The following POTED variants were observed in gnomAD, a reference collection of about 807,000 sequenced individuals.
The protein encoded by POTED is POTE ankyrin domain family member D, also known as ANKRD26-like family B member 3.
In POTED, 7 loss-of-function variants were observed where a neutral mutation model predicts 19.0. The ratio of observed to expected loss-of-function variants is 0.37; its 90% CI spans 0.21 to 0.69. POTED has a LOEUF of 0.69. Ranked by LOEUF, POTED falls within the 30% of genes least tolerant of loss-of-function variation. POTED has a pLI of 0.56. For missense variants in POTED, 54 were observed against 278.5 expected (o/e 0.19, Z 5.74); for synonymous variants, 16 against 92.0 (o/e 0.17, Z 4.73).
chr21:13,619,324 A>G (rs974234837), intron 4 of POTED, among the ~76,000 whole-genome samples: 1 of 60,016 alleles, frequency 1.7e-5, no homozygotes, highest in Non-Finnish European at 2.8e-5. Flanking sequence ...ATGCTAGATG[A>G]CGAGTTAGTG....
Position 13,636,992 on chromosome 21 carries a change from G to GTATATATA in POTED, c.1410-2517_1410-2510dup, listed in dbSNP as rs1367233527. On this transcript the variant is annotated intron_variant, in intron 9 of 10. Transcript: ENST00000299443. Reference sequence around the variant, plus strand: ...TCCTTTATGAATTACCCAGTCTCAGGTATATATATATATTTTTTTTTTTTT... The same window carrying GTATATATA: ...TCCTTTATGAATTACCCAGTCTCAGGTATATATATATATATATATATTTTTTTTTTTTT... Among the ~76,000 whole-genome samples the GTATATATA allele has an allele frequency of 6.1e-4, 8 of 13,084 alleles. 4 individuals are homozygous for GTATATATA. The highest frequency in any genetic ancestry group is 2.2e-3 in the African/African-American group (2 of 898). The allele number at this position is 13,084 out of a possible 152,430, so 8.6% of individuals were successfully genotyped here.
chr21:13,634,230 T>TA lies in POTED; in HGVS notation c.1409+3123_1409+3124insA, dbSNP rs2123220704. On this transcript the variant is annotated intron_variant, in intron 9 of 10. Coordinates refer to ENST00000299443, the MANE Select transcript of POTED (RefSeq NM_174981.6). Reference sequence around the variant, plus strand: ...TAATCTCTCAGTAAATCTTGTCAGGTCTACCTGAAGAATATGTCCAGAAGC... The same window carrying TA: ...TAATCTCTCAGTAAATCTTGTCAGGTACTACCTGAAGAATATGTCCAGAAGC... Among the ~76,000 whole-genome samples, 2 of 81,230 alleles carry TA rather than the reference T, an allele frequency of 2.5e-5. 1 individual carries two copies. The highest frequency in any genetic ancestry group is 2.1e-4 in the Admixed American group (2 of 9,710). The allele number at this position is 81,230 out of a possible 152,430, so 53.3% of individuals were successfully genotyped here. A position where few individuals can be genotyped will look rare whatever the true frequency, so the allele number is the denominator to read the frequency against.
At position 13,643,795 on chromosome 21, in the gene POTED, C is replaced by T. The variant is rs2011290970; in HGVS notation, c.*2229C>T. On this transcript the variant is annotated 3_prime_UTR_variant, in exon 11 of 11. Transcript: ENST00000299443. The stretch of plus-strand genomic sequence containing the variant: ...ACTGCAGCCCTTTATATGGAAACTT[C>T]CTACATCACTTTGCTGTGTGTGTTT... 1.4e-5 allele frequency among the ~76,000 whole-genome samples: 1 copy of T among 69,780 alleles called. No individual in the cohort carries two copies. The highest frequency in any genetic ancestry group is 1.2e-4 in the African/African-American group (1 of 8,166). 45.8% of individuals were successfully genotyped at this position (69,780 alleles called of 152,430 possible).
chr21:13,634,442 C>T lies in POTED; in HGVS notation c.1409+3335C>T, dbSNP rs368217266. Among the ~76,000 whole-genome samples the T allele has an allele frequency of 3.7e-5, 3 of 81,906 alleles. 1 individual carries two copies. The highest frequency in any genetic ancestry group is 2.8e-4 in the African/African-American group (3 of 10,618). The allele number at this position is 81,906 out of a possible 152,430, so 53.7% of individuals were successfully genotyped here. On this transcript the variant is annotated intron_variant, in intron 9 of 10. Coordinates refer to ENST00000299443, the MANE Select transcript of POTED (RefSeq NM_174981.6). ...CAGCCCTTCTGATTATCTCCCATTT[C>T]ACTCAGAGTACATGTCAAAGTTCCT... is the stretch of plus-strand genomic sequence containing the variant.
At position 13,645,213 on chromosome 21, in the gene POTED, G is replaced by A. The variant is rs754658600; in HGVS notation, c.*3647G>A. On this transcript the variant is annotated 3_prime_UTR_variant, in exon 11 of 11. Transcript: ENST00000299443. ...GAATGTCCCCAACCTAGCCAGACAG[G>A]CCAACATTCAACTTCAGGAAATCCA... Among the ~76,000 whole-genome samples the A allele has an allele frequency of 5.4e-4, 72 of 133,174 alleles. 10 individuals are homozygous for A. Among genetic ancestry groups the A allele is most frequent in the Non-Finnish European group, 1.0e-3 (62 of 61,648 alleles). 87.4% of individuals were successfully genotyped at this position (133,174 alleles called of 152,430 possible).
chr21:13,619,474 G>GA lies in POTED; in HGVS notation c.918-674dup, dbSNP rs1185242934. 2.2e-4 allele frequency among the ~76,000 whole-genome samples: 15 copies of GA among 66,742 alleles called. 3 individuals carry two copies. The highest frequency in any genetic ancestry group is 1.9e-3 in the East Asian group (2 of 1,032). 43.8% of individuals were successfully genotyped at this position (66,742 alleles called of 152,430 possible). ...ACAAAACAAAAACTAGCTGGGCATG[G>GA]AAAAAAAAAAGAGAAAAGAGCTAGG... On this transcript the variant is annotated intron_variant, in intron 4 of 10. Transcript: ENST00000299443.
rs1457839329 is a variant in POTED, at chr21:13,645,027, C to T, written c.*3461C>T. On this transcript the variant is annotated 3_prime_UTR_variant, in exon 11 of 11. Transcript: ENST00000299443. Reference sequence around the variant, plus strand: ...TGAAAACTGGCTTTCTGAAATAAAACAGGCAAACAAGAATGGGGGAAAAAA... The same window carrying T: ...TGAAAACTGGCTTTCTGAAATAAAATAGGCAAACAAGAATGGGGGAAAAAA... 3.4e-4 allele frequency among the ~76,000 whole-genome samples: 28 copies of T among 83,434 alleles called. 6 individuals are homozygous for T. The highest frequency in any genetic ancestry group is 5.8e-4 in the Non-Finnish European group (27 of 46,328). The allele number at this position is 83,434 out of a possible 152,430, so 54.7% of individuals were successfully genotyped here. A position where few individuals can be genotyped will look rare whatever the true frequency, so the allele number is the denominator to read the frequency against.
At position 13,637,150 on chromosome 21, in the gene POTED, C is replaced by A. The variant is rs1410936618; in HGVS notation, c.1410-2365C>A. 1.5e-4 allele frequency among the ~76,000 whole-genome samples: 11 copies of A among 71,286 alleles called. 3 individuals are homozygous for A. Among genetic ancestry groups the A allele is most frequent in the Admixed American group, 1.4e-3 (11 of 7,988 alleles). The allele number at this position is 71,286 out of a possible 152,430, so 46.8% of individuals were successfully genotyped here. On this transcript the variant is annotated intron_variant, in intron 9 of 10. Transcript: ENST00000299443. ...GATTTCTTTTATTTTGGGTAGGTAT[C>A]CAGAAATGAGAACGCTGGATAGAAT...
rs1488342398 is a variant in POTED, at chr21:13,619,467, G to T, written c.918-691G>T. Among the ~76,000 whole-genome samples, 3 of 72,518 alleles carry T rather than the reference G, an allele frequency of 4.1e-5. 1 individual carries two copies. The highest frequency in any genetic ancestry group is 2.3e-4 in the Admixed American group (2 of 8,574). 47.6% of individuals were successfully genotyped at this position (72,518 alleles called of 152,430 possible). On this transcript the variant is annotated intron_variant, in intron 4 of 10. Transcript: ENST00000299443. ...AACAAAAACAAAACAAAAACTAGCT[G>T]GGCATGGAAAAAAAAAAGAGAAAAG...
chr21:13,636,992 G>GTA lies in POTED; in HGVS notation c.1410-2511_1410-2510dup, dbSNP rs1367233527. On this transcript the variant is annotated intron_variant, in intron 9 of 10. Transcript: ENST00000299443. Reference sequence around the variant, plus strand: ...TCCTTTATGAATTACCCAGTCTCAGGTATATATATATATTTTTTTTTTTTT... The same window carrying GTA: ...TCCTTTATGAATTACCCAGTCTCAGGTATATATATATATATTTTTTTTTTTTT... Among the ~76,000 whole-genome samples the GTA allele has an allele frequency of 9.9e-4, 13 of 13,092 alleles. 4 individuals are homozygous for GTA. Among genetic ancestry groups the GTA allele is most frequent in the South Asian group, 6.1e-3 (4 of 654 alleles). The allele number at this position is 13,092 out of a possible 152,430, so 8.6% of individuals were successfully genotyped here.
rs369746921 is a variant in POTED at position 13,610,425 on chromosome 21, G to A, written c.197G>A (p.Arg66His). Reference protein sequence around the residue: ...MLRSKMGKCCRHCFPCCRGSG... With the variant: ...MLRSKMGKCCHHCFPCCRGSG... The stretch of plus-strand genomic sequence containing the variant: ...AGGAGCAAGATGGGCAAGTGTTGCC[G>A]CCACTGCTTCCCCTGCTGCAGGGGG... Residue 66 changes from arginine (R) to histidine (H), a missense_variant, in exon 1 of 11, where the codon CGC becomes CAC. By Grantham distance (29) the Arg-to-His change is conservative (BLOSUM62 0). Transcript: ENST00000299443. 2.0e-6 allele frequency: 2 copies of A among 998,042 alleles called. 1 individual carries two copies. Among genetic ancestry groups the A allele is most frequent in the Non-Finnish European group, 2.6e-6 (2 of 778,500 alleles). The allele number at this position is 998,042 out of a possible 1,614,324, so 61.8% of individuals were successfully genotyped here. A position where few individuals can be genotyped will look rare whatever the true frequency, so the allele number is the denominator to read the frequency against.
chr21:13,626,393 T>A (rs1021712388), intron 6 of POTED, among the ~76,000 whole-genome samples: 4 of 51,184 alleles, frequency 7.8e-5, no homozygotes, highest in South Asian at 1.4e-3. Flanking sequence ...TTCCAAGTGT[T>A]CATGAGAATT....
rs1464644203 is a variant in POTED at position 13,645,261 on chromosome 21, A to G, written c.*3695A>G. ...CCAGAGAACCTCAGTAAGATATGCC[A>G]TGAGAAGATCATCCCCAAGACACAT... On this transcript the variant is annotated 3_prime_UTR_variant, in exon 11 of 11. Coordinates refer to ENST00000299443, the MANE Select transcript of POTED (RefSeq NM_174981.6). Among the ~76,000 whole-genome samples, 1 of 134,462 alleles carries G rather than the reference A, an allele frequency of 7.4e-6. No individual in the cohort carries two copies. Among genetic ancestry groups the G allele is most frequent in the Non-Finnish European group, 1.6e-5 (1 of 62,138 alleles). The allele number at this position is 134,462 out of a possible 152,430, so 88.2% of individuals were successfully genotyped here. A position where few individuals can be genotyped will look rare whatever the true frequency, so the allele number is the denominator to read the frequency against.
chr21:13,639,611 A>C lies in POTED; in HGVS notation c.1506A>C (p.Glu502Asp), dbSNP rs564004569. Residue 502 changes from glutamate (E) to aspartate (D), a missense_variant, in exon 10 of 11, where the codon GAA becomes GAC. This residue lies in a region of POTED where 16 missense variants were observed against 72.7 expected (regional missense o/e 0.22). Coordinates refer to ENST00000299443, the MANE Select transcript of POTED (RefSeq NM_174981.6). ...EILTNKQKQI[E>D]VAEQKMNSEL... The stretch of plus-strand genomic sequence containing the variant: ...TGACTAATAAACAAAAGCAGATAGA[A>C]GTGGCTGAACAGAAAATGAATTCTG... 1.5e-6 allele frequency: 1 copy of C among 676,288 alleles called. No homozygotes were observed. Among genetic ancestry groups the C allele is most frequent in the Non-Finnish European group, 2.0e-6 (1 of 508,578 alleles). The allele number at this position is 676,288 out of a possible 1,614,324, so 41.9% of individuals were successfully genotyped here.
Position 13,609,797 on chromosome 21 carries a change from A to C in POTED, c.-432A>C. 7.8e-6 allele frequency: 1 copy of C among 128,026 alleles called. No homozygotes were observed. Among genetic ancestry groups the C allele is most frequent in the Non-Finnish European group, 1.3e-5 (1 of 75,568 alleles). 7.9% of individuals were successfully genotyped at this position (128,026 alleles called of 1,614,324 possible). Reference sequence around the variant, plus strand: ...CACATGACGGCTTGGCTTACCTGTAATGGGTGCGCTTCGCTTTGCGTTCCT... The same window carrying C: ...CACATGACGGCTTGGCTTACCTGTACTGGGTGCGCTTCGCTTTGCGTTCCT... On this transcript the variant is annotated 5_prime_UTR_variant, in exon 1 of 11. The change abolishes an upstream ATG in the 5' untranslated region. Transcript: ENST00000299443.
rs554002512 is a variant in POTED, at chr21:13,645,047, A to G, written c.*3481A>G. 7.6e-5 allele frequency among the ~76,000 whole-genome samples: 8 copies of G among 105,416 alleles called. 1 individual carries two copies. The highest frequency in any genetic ancestry group is 1.1e-4 in the Non-Finnish European group (6 of 53,096). 69.2% of individuals were successfully genotyped at this position (105,416 alleles called of 152,430 possible). A position where few individuals can be genotyped will look rare whatever the true frequency, so the allele number is the denominator to read the frequency against. ...TAAAACAGGCAAACAAGAATGGGGGAAAAAAGAATGAAAGGGAATGAACAA... is the reference window on the plus strand; with the variant it reads ...TAAAACAGGCAAACAAGAATGGGGGGAAAAAGAATGAAAGGGAATGAACAA... On this transcript the variant is annotated 3_prime_UTR_variant, in exon 11 of 11. Transcript: ENST00000299443.
At position 13,645,588 on chromosome 21, in the gene POTED, T is replaced by C. The variant is rs2011309164; in HGVS notation, c.*4022T>C. 1.7e-5 allele frequency among the ~76,000 whole-genome samples: 2 copies of C among 117,528 alleles called. 1 individual carries two copies. Among genetic ancestry groups the C allele is most frequent in the Non-Finnish European group, 3.5e-5 (2 of 56,712 alleles). The allele number at this position is 117,528 out of a possible 152,430, so 77.1% of individuals were successfully genotyped here. Reference sequence around the variant, plus strand: ...AAGAGCTCCTGAAGGAAGCACTAAATATGGAAAGAAAAGACCACCACCAGC... The same window carrying C: ...AAGAGCTCCTGAAGGAAGCACTAAACATGGAAAGAAAAGACCACCACCAGC... On this transcript the variant is annotated 3_prime_UTR_variant, in exon 11 of 11. Transcript: ENST00000299443.
Position 13,613,184 on chromosome 21 carries a change from G to C in POTED, c.522-1939G>C, listed in dbSNP as rs1427631963. Among the ~76,000 whole-genome samples, 12 of 69,588 alleles carry C rather than the reference G, an allele frequency of 1.7e-4. 4 individuals carry two copies. Among genetic ancestry groups the C allele is most frequent in the African/African-American group, 1.4e-3 (12 of 8,572 alleles). 45.7% of individuals were successfully genotyped at this position (69,588 alleles called of 152,430 possible). On this transcript the variant is annotated intron_variant, in intron 1 of 10. Transcript: ENST00000299443. ...ACTTTTACCCTCTTCAGAAGTAGAG[G>C]GCTTCTGTTTACCTCTTCTGGTAGA...
rs1335334346 is a variant in POTED at position 13,645,337 on chromosome 21, C to T, written c.*3771C>T. Among the ~76,000 whole-genome samples, 2 of 131,704 alleles carry T rather than the reference C, an allele frequency of 1.5e-5. 1 individual carries two copies. Among genetic ancestry groups the T allele is most frequent in the African/African-American group, 6.2e-5 (2 of 32,124 alleles). 86.4% of individuals were successfully genotyped at this position (131,704 alleles called of 152,430 possible). A position where few individuals can be genotyped will look rare whatever the true frequency, so the allele number is the denominator to read the frequency against. On this transcript the variant is annotated 3_prime_UTR_variant, in exon 11 of 11. Coordinates refer to ENST00000299443, the MANE Select transcript of POTED (RefSeq NM_174981.6). ...ATAAAAGAAAAAATGTTAAAGGCAG[C>T]TAGGGAGAAAGGCAACATCACCTGC...
Sources: allele counts gnomAD v4.1 joint callset (sites outside exome capture counted in the v4.1 genomes callset), GRCh38; gene constraint gnomAD v4.1.1; regional missense constraint gnomAD v4.1.1; transcripts MANE v1.5; gene names NCBI Gene and HGNC (gene_info 2026-07-23, HGNC 2026-07-21).